The following ATG7 variants were observed in gnomAD, a reference collection of about 807,000 sequenced individuals.
ATG7 encodes autophagy related 7.
Under a neutral mutation model 82.4 loss-of-function variants are expected in ATG7, and 70 were observed. The observed-to-expected ratio is 0.85, with a 90% CI of 0.70 to 1.04. The LOEUF is 1.04. Ranked by LOEUF, ATG7 falls within the 50% of genes least tolerant of loss-of-function variation. The pLI, the probability that ATG7 is intolerant of heterozygous loss-of-function variation, is 0.00. For synonymous variants in ATG7, 287 were observed against 313.0 expected (o/e 0.92, Z 0.88); for missense variants, 792 against 864.3 (o/e 0.92, Z 1.05).
intron 19 of ATG7, among the ~76,000 whole-genome samples, chr3:11,423,830 C>A (rs1307497796): frequency 6.6e-6 from 1 of 152,136 alleles, no homozygotes; most frequent in Non-Finnish European, 1.5e-5. Flanking sequence ...GTTTCTCTGA[C>A]CTTAACCTTT....
the ATG7 span, chr3:11,568,788 G>A: frequency 4.8e-6 from 7 of 1,453,098 alleles, no homozygotes; most frequent in African/African-American, 1.0e-4. The surrounding 1 kb of genome is among the most constrained non-coding windows in gnomAD (Gnocchi z 5.9). Flanking sequence ...GGTCAGGACT[G>A]TGCCCGAGAG....
At chr3:11,574,574 G>A in the ATG7 span, among the ~76,000 whole-genome samples, 1 of 152,082 alleles carries the variant, frequency 6.6e-6, no homozygotes, top group Non-Finnish European at 1.5e-5. Context: ...CCAGCACTAT[G>A]GTCACCTAGA....
chr3:11,546,172 T>C (rs1301966503), intron 20 of ATG7, among the ~76,000 whole-genome samples: 1 of 138,826 alleles, frequency 7.2e-6, no homozygotes, highest in East Asian at 2.1e-4. Flanking sequence ...ATTTTTTTTT[T>C]TTTTTTTTTT....
intron 20 of ATG7, among the ~76,000 whole-genome samples, chr3:11,548,515 C>T (rs1375651646): frequency 6.6e-6 from 1 of 152,222 alleles, no homozygotes; most frequent in Admixed American, 6.5e-5. Flanking sequence ...TCGCCTTCAT[C>T]CCCACCTGCC....
intron 9 of ATG7, 32 bp from the exon 10 acceptor site, chr3:11,331,308 C>T (rs748437756): frequency 7.3e-6 from 11 of 1,513,736 alleles, no homozygotes; most frequent in Middle Eastern, 3.4e-4. Context: ...ACATGATACT[C>T]GACTTACTCA....
chr3:11,512,589 G>A (rs796154821), intron 20 of ATG7, among the ~76,000 whole-genome samples: 2 of 152,296 alleles, frequency 1.3e-5, no homozygotes, highest in African/African-American at 2.4e-5. Flanking sequence ...TTCTTAAAGC[G>A]GCACGTCTGG....
intron 14 of ATG7, among the ~76,000 whole-genome samples, chr3:11,354,789 G>A (rs980060105): frequency 4.6e-5 from 7 of 151,642 alleles, no homozygotes; most frequent in South Asian, 2.1e-4. Context: ...ACAATTACAC[G>A]CTGGGACAAA....
At chr3:11,535,452 G>A (rs1486524707) in intron 20 of ATG7, among the ~76,000 whole-genome samples, 1 of 151,848 alleles carries the variant, frequency 6.6e-6, no homozygotes, top group Non-Finnish European at 1.5e-5. Context: ...GAGCAGGTTT[G>A]TATGGCAATC....
At chr3:11,546,161 GATTT>G (rs2071270369) in intron 20 of ATG7, among the ~76,000 whole-genome samples, 1 of 113,728 alleles carries the variant, frequency 8.8e-6, no homozygotes, top group African/African-American at 3.4e-5. Context: ...GCCAAAACTG[GATTT>G]TTTTTTTTTT....
chr3:11,479,334 AT>A (rs539893892), intron 20 of ATG7, among the ~76,000 whole-genome samples: 294 of 152,316 alleles, frequency 1.9e-3, no homozygotes, highest in African/African-American at 6.5e-3. Flanking sequence ...ATTTGTGTGA[AT>A]TTCAAGAAGT....
chr3:11,352,470 A>C (rs2075635498), intron 14 of ATG7, among the ~76,000 whole-genome samples: 1 of 152,248 alleles, frequency 6.6e-6, no homozygotes, highest in South Asian at 2.1e-4. Context: ...TCCCACCAAC[A>C]GTGTAAAAGT....
chr3:11,428,331 C>G (rs907880758), intron 20 of ATG7, among the ~76,000 whole-genome samples: 4 of 152,198 alleles, frequency 2.6e-5, no homozygotes, highest in African/African-American at 9.7e-5. Flanking sequence ...GGAGCTAGTG[C>G]TGAGTATAGG....
chr3:11,398,068 A>G (rs1333498297), intron 19 of ATG7, among the ~76,000 whole-genome samples: 10 of 150,168 alleles, frequency 6.7e-5, no homozygotes, highest in Non-Finnish European at 1.2e-4. Flanking sequence ...TGGGGGACAG[A>G]GCAAGACTCT....
chr3:11,397,377 C>T (rs2079397511), intron 19 of ATG7, among the ~76,000 whole-genome samples: 1 of 4,994 alleles, frequency 2.0e-4, no homozygotes, highest in African/African-American at 8.5e-4. Flanking sequence ...TTTTAATTCA[C>T]CAGGTAGAAT....
chr3:11,531,443 C>T (rs573613506), intron 20 of ATG7, among the ~76,000 whole-genome samples: 1 of 152,204 alleles, frequency 6.6e-6, no homozygotes, highest in Non-Finnish European at 1.5e-5. Context: ...CCCACCACCC[C>T]CTGTGTGCCA....
chr3:11,467,100 G>A (rs1179162584), intron 20 of ATG7, among the ~76,000 whole-genome samples: 1 of 151,132 alleles, frequency 6.6e-6, no homozygotes, highest in African/African-American at 2.4e-5. Context: ...CTTCAGCCTG[G>A]GCAACAAGAG....
chr3:11,409,649 A>T (rs2152912828), intron 19 of ATG7, among the ~76,000 whole-genome samples: 1 of 152,316 alleles, frequency 6.6e-6, no homozygotes, highest in African/African-American at 2.4e-5. Flanking sequence ...CCAAACCCAG[A>T]GTCATCTAGA....
intron 20 of ATG7, among the ~76,000 whole-genome samples, chr3:11,491,411 G>T (rs927361799): frequency 7.9e-5 from 12 of 152,078 alleles, no homozygotes; most frequent in African/African-American, 2.9e-4. Flanking sequence ...TTTGCCTTTG[G>T]TTTGAATTTC....
At chr3:11,523,840 T>C (rs2092504914) in intron 20 of ATG7, among the ~76,000 whole-genome samples, 1 of 152,186 alleles carries the variant, frequency 6.6e-6, no homozygotes, top group South Asian at 2.1e-4. Flanking sequence ...ATCAGCCAAA[T>C]GCATAGCAAG....
Sources: allele counts gnomAD v4.1 joint callset (sites outside exome capture counted in the v4.1 genomes callset), GRCh38; gene constraint gnomAD v4.1.1; non-coding constraint Gnocchi (gnomAD v3.1); transcripts MANE v1.5; gene names NCBI Gene and HGNC (gene_info 2026-07-23, HGNC 2026-07-21).